Variants in ALDH2 observed in about 807,000 individuals in gnomAD.
ALDH2 encodes the protein aldehyde dehydrogenase 2 family member.
Under a neutral mutation model 59.6 loss-of-function variants are expected in ALDH2, and 44 were observed. The observed-to-expected ratio is 0.74, with a 90% CI of 0.58 to 0.95. The LOEUF (loss-of-function observed/expected upper bound fraction) is 0.95. Among genes scored for constraint, ALDH2 ranks in the 40% least tolerant of loss-of-function variants. The pLI is 0.00. For missense variants in ALDH2, 570 were observed against 696.3 expected (o/e 0.82, Z 2.04); for synonymous variants, 291 against 284.0 (o/e 1.02, Z -0.25).
At chr12:111,799,389 A>G (rs2068430631) in intron 10 of ALDH2, among the ~76,000 whole-genome samples, 1 of 147,450 alleles carries the variant, frequency 6.8e-6, no homozygotes, top group African/African-American at 2.5e-5. Flanking sequence ...CTTGTCTCCA[A>G]CTCCTGACCT....
rs993554346 is a variant in ALDH2 at position 111,815,117 on chromosome 12, C to T, written c.*5542C>T. On this transcript the variant is annotated 3_prime_UTR_variant, in exon 13 of 13. Transcript: ENST00000261733. Reference sequence around the variant, plus strand: ...TTTCAGTGAAATGTAAATCTGATGCCCAATCCTGTGGCCCCAAGAAGTATT... The same window carrying T: ...TTTCAGTGAAATGTAAATCTGATGCTCAATCCTGTGGCCCCAAGAAGTATT... 1.3e-5 allele frequency: 2 copies of T among 152,128 alleles called. No individual in the cohort carries two copies. The highest frequency in any genetic ancestry group is 3.9e-4 in the East Asian group (2 of 5,194). 9.4% of individuals were successfully genotyped at this position (152,128 alleles called of 1,614,324 possible). A position where few individuals can be genotyped will look rare whatever the true frequency, so the allele number is the denominator to read the frequency against.
At chr12:111,794,963 T>A (rs2068391406) in intron 9 of ALDH2, among the ~76,000 whole-genome samples, 1 of 152,128 alleles carries the variant, frequency 6.6e-6, no homozygotes, top group Non-Finnish European at 1.5e-5. Context: ...CCCCTAAATA[T>A]CCTGTACCCA....
At chr12:111,799,368 T>C (rs1337497528) in intron 10 of ALDH2, among the ~76,000 whole-genome samples, 4 of 151,686 alleles carry the variant, frequency 2.6e-5, no homozygotes, top group African/African-American at 9.7e-5. Flanking sequence ...GGTTTCACCA[T>C]GTTGGCCAGG....
At chr12:111,796,562 A>G (rs542418016) in intron 9 of ALDH2, among the ~76,000 whole-genome samples, 6 of 152,194 alleles carry the variant, frequency 3.9e-5, no homozygotes, top group East Asian at 1.9e-4. Context: ...TTTATTCTCC[A>G]TTGGTAACCA....
chr12:111,803,837 G>A (rs375070937), intron 11 of ALDH2, 22 bp from the exon 12 acceptor site: 29 of 1,571,118 alleles, frequency 1.8e-5, no homozygotes, highest in Non-Finnish European at 2.4e-5. Flanking sequence ...AGTGATTTCT[G>A]CAATCTCGTT....
At chr12:111,779,390 A>G (rs1297506699) in intron 1 of ALDH2, among the ~76,000 whole-genome samples, 3 of 151,708 alleles carry the variant, frequency 2.0e-5, no homozygotes, top group African/African-American at 4.9e-5. Context: ...AGGTCTCACT[A>G]TGTTACTCAG....
At position 111,812,297 on chromosome 12, in the gene ALDH2, A is replaced by T. The variant is rs1445035833; in HGVS notation, c.*2722A>T. ...TGATTAATGATATTCATATATAATC[A>T]TGTCTGTGATCTAGATCTAGTATAA... On this transcript the variant is annotated 3_prime_UTR_variant, in exon 13 of 13. Coordinates refer to ENST00000261733, the MANE Select transcript of ALDH2 (RefSeq NM_000690.4). 1 of 152,174 alleles carries T rather than the reference A, an allele frequency of 6.6e-6. No individual in the cohort carries two copies. Among genetic ancestry groups the T allele is most frequent in the Non-Finnish European group, 1.5e-5 (1 of 68,048 alleles). 9.4% of individuals were successfully genotyped at this position (152,174 alleles called of 1,614,324 possible).
chr12:111,776,289 T>A (rs2068234165), intron 1 of ALDH2, among the ~76,000 whole-genome samples: 1 of 152,184 alleles, frequency 6.6e-6, no homozygotes, highest in Non-Finnish European at 1.5e-5. Flanking sequence ...ATCTTTAAGC[T>A]ACGAGAGAGC....
rs936215416 is a variant in ALDH2, at chr12:111,785,250, C to T, written c.361-17C>T. The T allele has an allele frequency of 6.2e-7, 1 of 1,605,290 alleles. No individual in the cohort carries two copies. ...ATTCCTGCACCCATGTCTCTGCTGA[C>T]CTTGTTTTCTTCTCAGGCCTTGGAG... is the stretch of plus-strand genomic sequence containing the variant. On this transcript the variant is annotated splice_polypyrimidine_tract_variant and intron_variant, in intron 3 of 12. Coordinates refer to ENST00000261733, the MANE Select transcript of ALDH2 (RefSeq NM_000690.4).
intron 1 of ALDH2, among the ~76,000 whole-genome samples, chr12:111,769,346 T>C (rs892053150): frequency 8.6e-5 from 13 of 152,024 alleles, no homozygotes; most frequent in Non-Finnish European, 1.8e-4. Context: ...TGAGATTAGA[T>C]GTAAGGCTGC....
At chr12:111,782,712 G>A (rs987962266) in intron 2 of ALDH2, among the ~76,000 whole-genome samples, 10 of 152,036 alleles carry the variant, frequency 6.6e-5, no homozygotes, top group Admixed American at 1.3e-4. Context: ...GTGAAACCCC[G>A]TCTCTACTAA....
At chr12:111,772,640 C>T (rs552670029) in intron 1 of ALDH2, among the ~76,000 whole-genome samples, 5 of 147,484 alleles carry the variant, frequency 3.4e-5, no homozygotes, top group Non-Finnish European at 7.4e-5. Flanking sequence ...GGATTACAGG[C>T]GTGAGCCACT....
intron 4 of ALDH2, among the ~76,000 whole-genome samples, chr12:111,786,258 A>T (rs2068307852): frequency 2.0e-5 from 3 of 152,238 alleles, no homozygotes; most frequent in Middle Eastern, 6.8e-3. Flanking sequence ...ATTTTTTGAG[A>T]TGGAGTCTCG....
At chr12:111,803,767 TA>T in intron 11 of ALDH2, 91 bp from the exon 12 acceptor site, 2 of 826,906 alleles carry the variant, frequency 2.4e-6, no homozygotes, top group Non-Finnish European at 3.3e-6. Flanking sequence ...AAGTTAAAAA[TA>T]AAATAAAGAC....
chr12:111,796,586 A>G (rs1334518417), intron 9 of ALDH2, among the ~76,000 whole-genome samples: 1 of 152,154 alleles, frequency 6.6e-6, no homozygotes, highest in Non-Finnish European at 1.5e-5. Flanking sequence ...ATGCACACAC[A>G]GTTATGCTGT....
At chr12:111,787,344 G>A (rs982164232) in intron 4 of ALDH2, among the ~76,000 whole-genome samples, 60 of 152,158 alleles carry the variant, frequency 3.9e-4, no homozygotes, top group African/African-American at 1.4e-3. Flanking sequence ...TGGCTTTGAG[G>A]GCCAGTTTTT....
At chr12:111,801,662 G>A (rs969840377) in intron 11 of ALDH2, among the ~76,000 whole-genome samples, 1 of 150,624 alleles carries the variant, frequency 6.6e-6, no homozygotes, top group South Asian at 2.1e-4. Flanking sequence ...TCATGCCACT[G>A]CGCTCCAGCC....
Position 111,791,981 on chromosome 12 carries a change from G to A in ALDH2, c.796-80G>A, listed in dbSNP as rs184011159. On this transcript the variant is annotated intron_variant, in intron 7 of 12. Transcript: ENST00000261733. ...CCAGTTGCTCACTCAAGCTGTGGGG[G>A]ACTCTGTTCTGTGTCTATAGAGTGC... is the stretch of plus-strand genomic sequence containing the variant. The A allele has an allele frequency of 2.1e-5, 18 of 846,964 alleles. No individual in the cohort carries two copies. The East Asian group carries it at 4.4e-4, about 21-fold the overall frequency. The allele number at this position is 846,964 out of a possible 1,614,324, so 52.5% of individuals were successfully genotyped here. A position where few individuals can be genotyped will look rare whatever the true frequency, so the allele number is the denominator to read the frequency against.
At chr12:111,789,229 G>C (rs1247382614) in intron 4 of ALDH2, among the ~76,000 whole-genome samples, 3 of 151,486 alleles carry the variant, frequency 2.0e-5, no homozygotes, top group Non-Finnish European at 4.4e-5. Flanking sequence ...ACCTTGGCCA[G>C]GCTGGTCTCG....
Sources: gnomAD v4.1 joint callset for allele counts (sites outside exome capture counted in the v4.1 genomes callset) on GRCh38, gnomAD v4.1.1 for gene constraint, MANE v1.5 for transcripts, NCBI Gene and HGNC (gene_info 2026-07-23, HGNC 2026-07-21) for gene names.